ADAM18: variants seen among roughly 807,000 people sequenced by gnomAD.
ADAM18 encodes the protein disintegrin and metalloproteinase domain-containing protein 18.
In ADAM18, 117 loss-of-function variants were observed where a neutral mutation model predicts 94.4. That is an observed-to-expected ratio of 1.24 (90% confidence interval 1.07 to 1.45). ADAM18 has a LOEUF of 1.45. Ranked by LOEUF, ADAM18 falls within the 40% of genes most tolerant of loss-of-function variation. The pLI is 0.00. For synonymous variants in ADAM18, 327 were observed against 291.6 expected (o/e 1.12, Z -1.24); for missense variants, 936 against 880.0 (o/e 1.06, Z -0.81).
intron 18 of ADAM18, among the ~76,000 whole-genome samples, chr8:39,720,968 C>A (rs1304897861): frequency 6.6e-6 from 1 of 151,372 alleles, no homozygotes; most frequent in Non-Finnish European, 1.5e-5. Context: ...TTCAAACTAC[C>A]CAAATGTCTG....
intron 17 of ADAM18, among the ~76,000 whole-genome samples, chr8:39,697,238 T>C (rs1821951592): frequency 6.6e-6 from 1 of 151,682 alleles, no homozygotes. Context: ...TGCAACTTTG[T>C]TAATTTATTA....
rs1818522540 is a variant in ADAM18 at position 39,589,910 on chromosome 8, G to A, written c.132+4558G>A. 2.0e-5 allele frequency among the ~76,000 whole-genome samples: 3 copies of A among 150,840 alleles called. No individual in the cohort carries two copies. In the South Asian group the frequency reaches 6.3e-4, roughly 32 times the overall value. On this transcript the variant is annotated intron_variant, in intron 2 of 19. Coordinates refer to ENST00000265707, the MANE Select transcript of ADAM18 (RefSeq NM_014237.3). Reference sequence around the variant, plus strand: ...ATACCATCTCACACCAGTTAGAATGGCAGTCATTAAAAAGTCAGGAAACAA... The same window carrying A: ...ATACCATCTCACACCAGTTAGAATGACAGTCATTAAAAAGTCAGGAAACAA...
chr8:39,653,802 G>A (rs1055601799), intron 12 of ADAM18, among the ~76,000 whole-genome samples: 2 of 152,128 alleles, frequency 1.3e-5, no homozygotes, highest in Non-Finnish European at 2.9e-5. Context: ...CAGGGTACCT[G>A]GGGTATATTT....
At position 39,648,544 on chromosome 8, in the gene ADAM18, G is replaced by A; in HGVS notation, c.1230+17G>A. 6.3e-7 allele frequency: 1 copy of A among 1,578,350 alleles called. No individual in the cohort carries two copies. The highest frequency in any genetic ancestry group is 8.6e-7 in the Non-Finnish European group (1 of 1,162,548). On this transcript the variant is annotated intron_variant, in intron 12 of 19. Coordinates refer to ENST00000265707, the MANE Select transcript of ADAM18 (RefSeq NM_014237.3). ...AATAAAAATGTGAGTAACAAAGATT[G>A]AAACTCGAGCACAATTTTTATGTTT...
chr8:39,709,582 G>C (rs1190468423), intron 18 of ADAM18, among the ~76,000 whole-genome samples: 1 of 152,162 alleles, frequency 6.6e-6, no homozygotes, highest in African/African-American at 2.4e-5. Flanking sequence ...AATATCATAG[G>C]CTACTTATTG....
chr8:39,667,659 G>A (rs1160931626), intron 13 of ADAM18, among the ~76,000 whole-genome samples: 1 of 152,112 alleles, frequency 6.6e-6, no homozygotes, highest in African/African-American at 2.4e-5. Flanking sequence ...GTTTCTCCAA[G>A]AACAAAAAGG....
intron 2 of ADAM18, among the ~76,000 whole-genome samples, chr8:39,600,400 T>C (rs1818866957): frequency 6.6e-6 from 1 of 152,230 alleles, no homozygotes; most frequent in African/African-American, 2.4e-5. Flanking sequence ...TCCAGGTAAC[T>C]TGCTTTCAGT....
chr8:39,661,922 C>T (rs1820851648), intron 12 of ADAM18, among the ~76,000 whole-genome samples: 1 of 149,042 alleles, frequency 6.7e-6, no homozygotes, highest in Non-Finnish European at 1.5e-5. Flanking sequence ...ACAAATTAGG[C>T]TTATTTTATA....
intron 16 of ADAM18, among the ~76,000 whole-genome samples, chr8:39,683,262 C>T (rs749745238): frequency 1.3e-5 from 2 of 152,120 alleles, no homozygotes; most frequent in Admixed American, 1.3e-4. Flanking sequence ...AACCACGTGA[C>T]AAATTTGGAA....
chr8:39,715,138 A>G (rs1415296570), intron 18 of ADAM18, among the ~76,000 whole-genome samples: 1 of 152,134 alleles, frequency 6.6e-6, no homozygotes, highest in Non-Finnish European at 1.5e-5. Context: ...TTCTGAGACC[A>G]AAATGAAATT....
At chr8:39,717,293 C>T (rs1338711939) in intron 18 of ADAM18, among the ~76,000 whole-genome samples, 11 of 32,590 alleles carry the variant, frequency 3.4e-4, no homozygotes, top group African/African-American at 6.9e-4. Context: ...TATCTTGTAA[C>T]GTATTTTTAT....
At chr8:39,667,759 G>A (rs1821031288) in intron 13 of ADAM18, among the ~76,000 whole-genome samples, 1 of 152,156 alleles carries the variant, frequency 6.6e-6, no homozygotes, top group Non-Finnish European at 1.5e-5. Context: ...GAGCACAAAG[G>A]AGGTGAGCAG....
At chr8:39,685,615 A>G (rs1484651087) in intron 16 of ADAM18, among the ~76,000 whole-genome samples, 1 of 152,142 alleles carries the variant, frequency 6.6e-6, no homozygotes, top group African/African-American at 2.4e-5. Flanking sequence ...TGGCTTGGTC[A>G]TATCCTTGGT....
chr8:39,650,593 A>T (rs1187613193), intron 12 of ADAM18, among the ~76,000 whole-genome samples: 1 of 152,230 alleles, frequency 6.6e-6, no homozygotes, highest in African/African-American at 2.4e-5. Context: ...GTGATGAAAG[A>T]TCTGTATACT....
intron 10 of ADAM18, 98 bp downstream of exon 10, chr8:39,638,644 G>A: frequency 1.6e-6 from 1 of 609,244 alleles, no homozygotes; most frequent in Non-Finnish European, 2.6e-6. Flanking sequence ...AAAACCATTT[G>A]ATCTTTTTCT....
In ADAM18 at chr8:39,723,707, C is replaced by G. The variant is rs183546443; in HGVS notation, c.2018-41C>G. On this transcript the variant is annotated intron_variant, in intron 18 of 19. Coordinates refer to ENST00000265707, the MANE Select transcript of ADAM18 (RefSeq NM_014237.3). ...AAAAAATATAAATTTATTTAAATATCCACTGAGTCCCCACTAATTTATCAT... is the reference window on the plus strand; with the variant it reads ...AAAAAATATAAATTTATTTAAATATGCACTGAGTCCCCACTAATTTATCAT... The G allele has an allele frequency of 6.8e-3, 8,886 of 1,309,780 alleles. 39 individuals carry two copies. Among genetic ancestry groups the G allele is most frequent in the Non-Finnish European group, 7.5e-3 (7,454 of 988,284 alleles). 81.1% of individuals were successfully genotyped at this position (1,309,780 alleles called of 1,614,324 possible).
chr8:39,688,714 C>T (rs1159334670), intron 16 of ADAM18, among the ~76,000 whole-genome samples: 1 of 152,124 alleles, frequency 6.6e-6, no homozygotes, highest in African/African-American at 2.4e-5. Context: ...TTATACTAGA[C>T]TGATCTATAT....
chr8:39,599,650 T>G (rs1259813896), intron 2 of ADAM18, among the ~76,000 whole-genome samples: 1 of 152,148 alleles, frequency 6.6e-6, no homozygotes, highest in Non-Finnish European at 1.5e-5. Context: ...GCTCATATAT[T>G]TTATAACTTT....
intron 16 of ADAM18, among the ~76,000 whole-genome samples, chr8:39,685,752 A>G (rs931080585): frequency 6.6e-6 from 1 of 152,056 alleles, no homozygotes; most frequent in East Asian, 1.9e-4. Context: ...TTCTTCTCAC[A>G]CTTTACTATA....
Sources: allele counts gnomAD v4.1 joint callset (sites outside exome capture counted in the v4.1 genomes callset), GRCh38; gene constraint gnomAD v4.1.1; transcripts MANE v1.5; gene names NCBI Gene and HGNC (gene_info 2026-07-23, HGNC 2026-07-21).